The following PARD3B variants were observed in gnomAD, a reference collection of about 807,000 sequenced individuals.
PARD3B encodes par-3 family cell polarity regulator beta, also known as partitioning defective 3 homolog B.
In PARD3B, 103 loss-of-function variants were observed where a neutral mutation model predicts 130.2. The ratio of observed to expected loss-of-function variants is 0.79; its 90% confidence interval spans 0.67 to 0.93. The LOEUF (loss-of-function observed/expected upper bound fraction) is 0.93. Among genes scored for constraint, PARD3B ranks in the 40% least tolerant of loss-of-function variants. The pLI, the probability that PARD3B is intolerant of heterozygous loss-of-function variation, is 0.00. For synonymous variants in PARD3B, 583 were observed against 553.2 expected (o/e 1.05, Z -0.76); for missense variants, 1,609 against 1,499.2 (o/e 1.07, Z -1.21).
At chr2:204,817,143 T>C (rs1334584620) in intron 2 of PARD3B, among the ~76,000 whole-genome samples, 1 of 152,134 alleles carries the variant, frequency 6.6e-6, no homozygotes, top group Non-Finnish European at 1.5e-5. Flanking sequence ...ATAACTGTTT[T>C]AATGTCCTTG....
intron 2 of PARD3B, among the ~76,000 whole-genome samples, chr2:204,911,866 T>C (rs1329572359): frequency 6.6e-6 from 1 of 151,950 alleles, no homozygotes; most frequent in Non-Finnish European, 1.5e-5. Context: ...ACTTTAAATA[T>C]ATACAACTTT....
intron 2 of PARD3B, among the ~76,000 whole-genome samples, chr2:204,700,948 A>G (rs1002806926): frequency 8.5e-5 from 13 of 152,116 alleles, no homozygotes; most frequent in Non-Finnish European, 1.6e-4. Flanking sequence ...AAATACCAAG[A>G]TGAATACCAA....
intron 3 of PARD3B, among the ~76,000 whole-genome samples, chr2:204,999,632 C>T (rs1189757420): frequency 6.6e-6 from 1 of 152,126 alleles, no homozygotes; most frequent in African/African-American, 2.4e-5. Flanking sequence ...AATCATTGTC[C>T]TTTTCTCCTA....
chr2:205,067,095 CTTTTTTTTTTTTTTTTTT>C (rs10672449), intron 4 of PARD3B, among the ~76,000 whole-genome samples: 6 of 59,712 alleles, frequency 1.0e-4, no homozygotes, highest in African/African-American at 3.7e-4. Flanking sequence ...TTTTACTAGG[CTTTTTTTTTTTTTTTTTT>C]TTTTTTTTTT....
At chr2:204,831,427 A>G (rs1191173926) in intron 2 of PARD3B, among the ~76,000 whole-genome samples, 1 of 152,232 alleles carries the variant, frequency 6.6e-6, no homozygotes, top group African/African-American at 2.4e-5. Flanking sequence ...AGAAGCCACC[A>G]TAAAGAAAGA....
At chr2:204,601,859 A>G (rs556834217) in intron 1 of PARD3B, among the ~76,000 whole-genome samples, 8 of 152,142 alleles carry the variant, frequency 5.3e-5, no homozygotes, top group Admixed American at 1.3e-4. Flanking sequence ...AAGGAATTCT[A>G]GGCATTTATA....
intron 18 of PARD3B, among the ~76,000 whole-genome samples, chr2:205,344,364 G>C (rs927803520): frequency 1.3e-5 from 2 of 152,106 alleles, no homozygotes; most frequent in Non-Finnish European, 2.9e-5. Flanking sequence ...ACCCTGAAGA[G>C]AGAAATGAGG....
intron 2 of PARD3B, among the ~76,000 whole-genome samples, chr2:204,934,283 T>C (rs1688244685): frequency 6.6e-6 from 1 of 152,200 alleles, no homozygotes; most frequent in South Asian, 2.1e-4. Flanking sequence ...AAAAATATGT[T>C]TAATGCAGCA....
intron 1 of PARD3B, among the ~76,000 whole-genome samples, chr2:204,555,578 A>C (rs1298740559): frequency 5.3e-5 from 8 of 152,126 alleles, no homozygotes; most frequent in Admixed American, 5.2e-4. Flanking sequence ...TATATCCATG[A>C]GTATGAGTAT....
chr2:205,044,736 C>A (rs1263139024), intron 3 of PARD3B, among the ~76,000 whole-genome samples: 1 of 152,044 alleles, frequency 6.6e-6, no homozygotes, highest in East Asian at 1.9e-4. Flanking sequence ...CGAAAATTTT[C>A]TCCCATTTTG....
chr2:205,097,513 TCAGATCTGTACTAGCTA>T (rs1457332650), intron 4 of PARD3B, among the ~76,000 whole-genome samples: 1 of 152,200 alleles, frequency 6.6e-6, no homozygotes, highest in African/African-American at 2.4e-5. Flanking sequence ...TTCCTGAGTC[TCAGATCTGTACTAGCTA>T]CTTTAAGGCA....
At chr2:205,053,651 A>C (rs1220749690) in intron 4 of PARD3B, among the ~76,000 whole-genome samples, 1 of 152,056 alleles carries the variant, frequency 6.6e-6, no homozygotes, top group Non-Finnish European at 1.5e-5. Flanking sequence ...CAAAAAAAAA[A>C]AAAAAATTCC....
intron 16 of PARD3B, among the ~76,000 whole-genome samples, chr2:205,273,790 C>T (rs967092084): frequency 2.0e-5 from 3 of 152,166 alleles, no homozygotes; most frequent in East Asian, 3.8e-4. Context: ...TGTATACAGT[C>T]GCACCGTATT....
At chr2:205,527,866 C>T (rs1424988167) in intron 21 of PARD3B, among the ~76,000 whole-genome samples, 2 of 152,174 alleles carry the variant, frequency 1.3e-5, no homozygotes, top group Non-Finnish European at 2.9e-5. Context: ...GATACAAGGT[C>T]CAATTCTCTC....
chr2:205,474,029 G>A (rs748520406), intron 20 of PARD3B, among the ~76,000 whole-genome samples: 10 of 151,752 alleles, frequency 6.6e-5, no homozygotes, highest in East Asian at 3.9e-4. Flanking sequence ...ACCACAACCC[G>A]GTAATAAGGG....
intron 2 of PARD3B, among the ~76,000 whole-genome samples, chr2:204,899,214 CCCCTCCTT>C (rs1450376521): frequency 1.8e-5 from 2 of 111,638 alleles, no homozygotes; most frequent in Non-Finnish European, 3.6e-5. Flanking sequence ...TCCCTTCCCT[CCCCTCCTT>C]CCCTCCTCTC....
chr2:204,650,887 T>TGAGA (rs36111258), intron 1 of PARD3B, among the ~76,000 whole-genome samples: 4 of 148,098 alleles, frequency 2.7e-5, no homozygotes, highest in East Asian at 2.0e-4. Flanking sequence ...CATGGGGGAG[T>TGAGA]GAGAGAGAGA....
intron 2 of PARD3B, among the ~76,000 whole-genome samples, chr2:204,897,549 A>G (rs2046686009): frequency 6.6e-6 from 1 of 152,126 alleles, no homozygotes; most frequent in African/African-American, 2.4e-5. Context: ...TAACATAGGA[A>G]GATCCTGTGT....
rs1168592246 is a variant in PARD3B at position 205,425,743 on chromosome 2, G to T, written c.2742-14627G>T. Among the ~76,000 whole-genome samples, 4 of 152,040 alleles carry T rather than the reference G, an allele frequency of 2.6e-5. No homozygotes were observed. The East Asian group carries it at 7.7e-4, about 29-fold the overall frequency. On this transcript the variant is annotated intron_variant, in intron 19 of 22. Coordinates refer to ENST00000406610, the MANE Select transcript of PARD3B (RefSeq NM_001302769.2). ...GAAGCTTCCCAAACTCTACTGCCTT[G>T]ACTTACTTTAATGAGCATTTAGGAT...
Sources: gnomAD v4.1 joint callset for allele counts (sites outside exome capture counted in the v4.1 genomes callset) on GRCh38, gnomAD v4.1.1 for gene constraint, MANE v1.5 for transcripts, NCBI Gene and HGNC (gene_info 2026-07-23, HGNC 2026-07-21) for gene names.